The following HSD17B13 variants were observed in gnomAD, a reference collection of about 807,000 sequenced individuals.
HSD17B13 encodes hydroxysteroid 17-beta dehydrogenase 13, also known as 17-beta-hydroxysteroid dehydrogenase 13.
A neutral mutation model predicts 31.1 loss-of-function variants in HSD17B13; 26 were observed. The observed-to-expected ratio is 0.84, with a 90% CI of 0.61 to 1.16. HSD17B13 has a LOEUF of 1.16. Among genes scored for constraint, HSD17B13 ranks in the 50% most tolerant of loss-of-function variants. The pLI is 0.00. For synonymous variants in HSD17B13, 141 were observed against 133.7 expected (o/e 1.05, Z -0.38); for missense variants, 374 against 366.5 (o/e 1.02, Z -0.17).
At chr4:87,309,040 A>C (rs1423493622) in intron 6 of HSD17B13, among the ~76,000 whole-genome samples, 1 of 152,066 alleles carries the variant, frequency 6.6e-6, no homozygotes, top group African/African-American at 2.4e-5. Context: ...GACAACAAAC[A>C]ATGGGAAATA....
chr4:87,310,386 T>G, intron 5 of HSD17B13, 27 bp from the exon 6 acceptor site: 1 of 1,364,030 alleles, frequency 7.3e-7, no homozygotes, highest in Non-Finnish European at 9.5e-7. Context: ...GAAAATATTA[T>G]TTTTATTTTC....
intron 3 of HSD17B13, among the ~76,000 whole-genome samples, chr4:87,316,309 T>C (rs1734648085): frequency 6.6e-6 from 1 of 152,208 alleles, no homozygotes; most frequent in Non-Finnish European, 1.5e-5. Flanking sequence ...CTAAGTTTTG[T>C]ATAATTTGTT....
intron 2 of HSD17B13, among the ~76,000 whole-genome samples, chr4:87,317,659 T>G (rs1048861146): frequency 2.0e-5 from 3 of 146,792 alleles, no homozygotes; most frequent in Admixed American, 1.4e-4. Flanking sequence ...TCCTTCCACC[T>G]TGGCCTCACA....
intron 4 of HSD17B13, 39 bp downstream of exon 4, chr4:87,315,454 G>A: frequency 2.4e-6 from 3 of 1,248,828 alleles, no homozygotes; most frequent in Non-Finnish European, 3.5e-6. Flanking sequence ...TCCCTTCAAA[G>A]TATAAAAATA....
intron 3 of HSD17B13, 62 bp from the exon 4 acceptor site, chr4:87,315,661 T>A: frequency 9.8e-7 from 1 of 1,023,234 alleles, no homozygotes; most frequent in Non-Finnish European, 1.5e-6. Flanking sequence ...CCAAATCAGG[T>A]AGTTTTATTT....
rs1276837706 is a variant in HSD17B13, at chr4:87,315,599, T to C, written c.451A>G (p.Ile151Val). The C allele has an allele frequency of 2.5e-6, 4 of 1,574,662 alleles. No homozygotes were observed. The highest frequency in any genetic ancestry group is 3.5e-6 in the Non-Finnish European group (4 of 1,148,268). The change falls in exon 4 of 7, where the codon ATC (isoleucine) becomes GTC (valine). Residue 151 changes from isoleucine (I) to valine (V), a missense_variant and splice_region_variant. Coordinates refer to ENST00000328546, the MANE Select transcript of HSD17B13 (RefSeq NM_178135.5). ...FEVNILGHFW[I>V]TKALLPSMME... is the part of the protein sequence containing the mutation. ...ATCGATGGAAGAAGTGCTTTTGTGA[T>C]CTTAAGGATCATTGCAGAAAGAAGA...
At position 87,315,527 on chromosome 4, in the gene HSD17B13, C is replaced by A. The variant is rs139930013; in HGVS notation, c.523G>T (p.Gly175Cys). 6.2e-7 allele frequency: 1 copy of A among 1,610,974 alleles called. No individual in the cohort carries two copies. The highest frequency in any genetic ancestry group is 1.3e-5 in the African/African-American group (1 of 74,856). The change falls in exon 4 of 7, where the codon GGC (glycine) becomes TGC (cysteine). Residue 175 changes from glycine (G) to cysteine (C), a missense_variant. Coordinates refer to ENST00000328546, the MANE Select transcript of HSD17B13 (RefSeq NM_178135.5). Reference sequence around the variant, plus strand: ...ATGAGGTAAGGAATCCCTTCGTGGCCGCACACTGAAGCCACTGTGACGATG... The same window carrying A: ...ATGAGGTAAGGAATCCCTTCGTGGCAGCACACTGAAGCCACTGTGACGATG... ...GHIVTVASVC[G>C]HEGIPYLIPY...
intron 6 of HSD17B13, among the ~76,000 whole-genome samples, chr4:87,305,713 C>CAATA (rs146552590): frequency 0.42 from 62,143 of 146,742 alleles, 13,043 homozygotes; most frequent in Non-Finnish European, 0.46. Flanking sequence ...AACTCCATCT[C>CAATA]AATAAATAAA....
chr4:87,318,946 C>T (rs1489114909), intron 1 of HSD17B13, among the ~76,000 whole-genome samples: 2 of 151,642 alleles, frequency 1.3e-5, no homozygotes, highest in African/African-American at 2.4e-5. Flanking sequence ...TTTAGGAGGC[C>T]GAGGAGGGTG....
chr4:87,318,042 G>A (rs1734695123), intron 2 of HSD17B13, among the ~76,000 whole-genome samples: 2 of 152,148 alleles, frequency 1.3e-5, no homozygotes, highest in African/African-American at 4.8e-5. Flanking sequence ...AAACTAGGAA[G>A]TGATCCATAT....
chr4:87,307,845 T>C (rs919298943), intron 6 of HSD17B13, among the ~76,000 whole-genome samples: 25 of 152,214 alleles, frequency 1.6e-4, no homozygotes, highest in South Asian at 4.1e-4. Context: ...AAGGTTCTCC[T>C]TATGTTATCT....
At position 87,305,106 on chromosome 4, in the gene HSD17B13, A is replaced by G; in HGVS notation, c.*112T>C. ...GTTTGACTGCTGCTAGTGCCAAACC[A>G]ATGTTTTTAATATTATCAGGACTGA... On this transcript the variant is annotated 3_prime_UTR_variant, in exon 7 of 7. Coordinates refer to ENST00000328546, the MANE Select transcript of HSD17B13 (RefSeq NM_178135.5). The G allele has an allele frequency of 1.8e-6, 1 of 552,984 alleles. No homozygotes were observed. The allele number at this position is 552,984 out of a possible 1,614,324, so 34.3% of individuals were successfully genotyped here.
chr4:87,320,327 A>T (rs1012482884), intron 1 of HSD17B13, among the ~76,000 whole-genome samples: 3 of 151,938 alleles, frequency 2.0e-5, no homozygotes, highest in Admixed American at 6.6e-5. Context: ...AGTAGAGAGC[A>T]TAAGTTACCA....
rs571377043 is a variant in HSD17B13, at chr4:87,312,044, C to T, written c.696-1685G>A. The stretch of plus-strand genomic sequence containing the variant: ...TTGCCTGTGTCTACCTCTAAGTTAG[C>T]CCCCAGGAACCCTGTACCCAGAGTT... On this transcript the variant is annotated intron_variant, in intron 5 of 6. Transcript: ENST00000328546. 3.9e-5 allele frequency among the ~76,000 whole-genome samples: 6 copies of T among 152,182 alleles called. No individual in the cohort carries two copies. In the South Asian group the frequency reaches 1.2e-3, roughly 31 times the overall value.
At chr4:87,305,339 T>C (rs769791254) in intron 6 of HSD17B13, 31 bp from the exon 7 acceptor site, 4 of 1,444,016 alleles carry the variant, frequency 2.8e-6, no homozygotes, top group Non-Finnish European at 3.7e-6. Context: ...AATTGAAAAA[T>C]TTTCCATTTA....
intron 2 of HSD17B13, among the ~76,000 whole-genome samples, chr4:87,317,609 A>G (rs150725645): frequency 0.012 from 967 of 83,530 alleles, 22 homozygotes; most frequent in African/African-American, 0.044. Flanking sequence ...GGGTCTCACT[A>G]TGTTGCCTGG....
chr4:87,313,703 A>G, intron 5 of HSD17B13, 120 bp downstream of exon 5: 1 of 772,558 alleles, frequency 1.3e-6, no homozygotes. Flanking sequence ...AATAATAATA[A>G]GAAAAATTAT....
chr4:87,310,463 T>A (rs2110099017), intron 5 of HSD17B13, 104 bp from the exon 6 acceptor site: 1 of 1,197,616 alleles, frequency 8.3e-7, no homozygotes, highest in South Asian at 3.1e-5. Flanking sequence ...AAATTTAGAA[T>A]GAAGATTTAA....
chr4:87,305,393 G>C (rs1192163653), intron 6 of HSD17B13, 85 bp from the exon 7 acceptor site: 2 of 765,752 alleles, frequency 2.6e-6, no homozygotes, highest in East Asian at 5.7e-5. Flanking sequence ...TTTAGAATAC[G>C]CTGAGAGTTA....
Sources: allele counts gnomAD v4.1 joint callset (sites outside exome capture counted in the v4.1 genomes callset), GRCh38; gene constraint gnomAD v4.1.1; transcripts MANE v1.5; gene names NCBI Gene and HGNC (gene_info 2026-07-23, HGNC 2026-07-21).